Variants in GRIP1 observed in about 807,000 individuals in gnomAD.
GRIP1 encodes glutamate receptor interacting protein 1.
Under a neutral mutation model 129.9 loss-of-function variants are expected in GRIP1, and 45 were observed. That is an observed-to-expected ratio of 0.35 (90% confidence interval 0.27 to 0.44). GRIP1 has a LOEUF of 0.44. Among genes scored for constraint, GRIP1 ranks in the 20% least tolerant of loss-of-function variants. The pLI is 1.00. For synonymous variants in GRIP1, 530 were observed against 520.8 expected (o/e 1.02, Z -0.24); for missense variants, 1,196 against 1,396.8 (o/e 0.86, Z 2.29).
intron 1 of GRIP1, among the ~76,000 whole-genome samples, chr12:66,698,328 C>T (rs1207118874): frequency 6.6e-6 from 1 of 152,196 alleles, no homozygotes; most frequent in Admixed American, 6.5e-5. Context: ...TACCTGTCAA[C>T]TATGGGGAAA....
intron 2 of GRIP1, among the ~76,000 whole-genome samples, chr12:66,594,793 G>A (rs530386966): frequency 1.3e-5 from 2 of 152,184 alleles, no homozygotes; most frequent in African/African-American, 4.8e-5. Flanking sequence ...GATTGCTCAA[G>A]ACTTCTGGAT....
At chr12:66,349,340 T>G (rs1418128101) in intron 24 of GRIP1, 94 bp from the exon 25 acceptor site, 2 of 995,564 alleles carry the variant, frequency 2.0e-6, no homozygotes, top group Admixed American at 1.9e-5. Flanking sequence ...TTGTTTGAAG[T>G]CATGAAGGTG....
Position 66,671,773 on chromosome 12 carries a change from T to C in GRIP1, c.55+7077A>G, listed in dbSNP as rs369071928. Among the ~76,000 whole-genome samples the C allele has an allele frequency of 9.2e-5, 14 of 152,310 alleles. No individual in the cohort carries two copies. The East Asian group carries it at 1.2e-3, about 13-fold the overall frequency. ...TCCCACTGTTTTTCTCTCTGCCACC[T>C]CTATTAGCTTAAGAAAGCCTTGGGG... is the stretch of plus-strand genomic sequence containing the variant. On this transcript the variant is annotated intron_variant, in intron 1 of 24. Transcript: ENST00000359742.
intron 1 of GRIP1, among the ~76,000 whole-genome samples, chr12:66,884,171 A>G (rs1207216203): frequency 2.0e-5 from 3 of 152,206 alleles, no homozygotes; most frequent in African/African-American, 7.2e-5. Flanking sequence ...TGCAGAGCAA[A>G]AGGCTGCATG....
chr12:66,403,643 T>C (rs2057087389), intron 16 of GRIP1, among the ~76,000 whole-genome samples: 1 of 152,234 alleles, frequency 6.6e-6, no homozygotes, highest in Admixed American at 6.5e-5. Flanking sequence ...ATTTATAGTC[T>C]TATTTTGGGT....
intron 19 of GRIP1, among the ~76,000 whole-genome samples, chr12:66,386,331 A>G (rs2056355399): frequency 6.6e-6 from 1 of 152,156 alleles, no homozygotes; most frequent in South Asian, 2.1e-4. Context: ...TCATATTCAT[A>G]AAGTTTAGAA....
In GRIP1 at chr12:66,424,374, G is replaced by A. The variant is rs963776012; in HGVS notation, c.1769-3585C>T. Reference sequence around the variant, plus strand: ...AAGAGTCAAGAATTCTGAAAGAGCCGTCCTCAATTTCTTGCTTCCCCAGAT... The same window carrying A: ...AAGAGTCAAGAATTCTGAAAGAGCCATCCTCAATTTCTTGCTTCCCCAGAT... On this transcript the variant is annotated intron_variant, in intron 14 of 24. Transcript: ENST00000359742. Among the ~76,000 whole-genome samples, 9 of 152,090 alleles carry A rather than the reference G, an allele frequency of 5.9e-5. No individual in the cohort carries two copies. The East Asian group carries it at 1.2e-3, about 19-fold the overall frequency.
At chr12:66,421,931 T>G (rs574475074) in intron 14 of GRIP1, among the ~76,000 whole-genome samples, 1 of 152,278 alleles carries the variant, frequency 6.6e-6, no homozygotes, top group South Asian at 2.1e-4. Context: ...ATTAGAGGTT[T>G]GCACTTAATT....
intron 22 of GRIP1, among the ~76,000 whole-genome samples, chr12:66,374,345 G>A (rs183858790): frequency 1.3e-5 from 2 of 151,972 alleles, no homozygotes; most frequent in Admixed American, 6.6e-5. Flanking sequence ...CCGTCACCAC[G>A]CCTGGCTAAT....
chr12:66,539,545 CTTTTTTTTTTTTT>C (rs35373698), intron 3 of GRIP1, among the ~76,000 whole-genome samples: 4 of 59,288 alleles, frequency 6.7e-5, no homozygotes, highest in Non-Finnish European at 9.0e-5. Context: ...TCAAGAGAAG[CTTTTTTTTTTTTT>C]TTTTTTTTTT....
At chr12:66,977,907 G>C (rs918678528) in intron 1 of GRIP1, among the ~76,000 whole-genome samples, 5 of 141,746 alleles carry the variant, frequency 3.5e-5, no homozygotes, top group Non-Finnish European at 7.5e-5. Context: ...TGAACTCCTA[G>C]GCTCAGGTGA....
intron 1 of GRIP1, among the ~76,000 whole-genome samples, chr12:66,759,011 T>C (rs2037387957): frequency 6.6e-6 from 1 of 152,208 alleles, no homozygotes; most frequent in Non-Finnish European, 1.5e-5. Context: ...GGTGTCCCTC[T>C]TCTCACAGCT....
At chr12:66,412,608 A>C (rs566420512) in intron 15 of GRIP1, among the ~76,000 whole-genome samples, 1 of 152,348 alleles carries the variant, frequency 6.6e-6, no homozygotes, top group Admixed American at 6.5e-5. Context: ...CATCATGATG[A>C]CATGATCAAA....
chr12:66,382,040 A>G (rs2056134058), intron 19 of GRIP1, among the ~76,000 whole-genome samples: 1 of 152,196 alleles, frequency 6.6e-6, no homozygotes, highest in South Asian at 2.1e-4. Context: ...AGCCTGGGCA[A>G]TAATCCGTCT....
At chr12:66,531,065 T>C (rs114059883) in intron 4 of GRIP1, among the ~76,000 whole-genome samples, 3,744 of 151,554 alleles carry the variant, frequency 0.025, 153 homozygotes, top group African/African-American at 0.087. Context: ...TGAAACCTCA[T>C]CTCTACTAAA....
At chr12:67,030,966 T>C (rs2043013721) in intron 1 of GRIP1, among the ~76,000 whole-genome samples, 1 of 152,146 alleles carries the variant, frequency 6.6e-6, no homozygotes, top group African/African-American at 2.4e-5. Context: ...CTGGAGATGA[T>C]AGGGATTATA....
chr12:66,997,980 T>C (rs1029743899), intron 1 of GRIP1, among the ~76,000 whole-genome samples: 2 of 152,102 alleles, frequency 1.3e-5, no homozygotes, highest in African/African-American at 4.8e-5. Flanking sequence ...AAAAGCAATA[T>C]CCATAATTTG....
chr12:66,517,429 A>C (rs572192806), intron 6 of GRIP1, among the ~76,000 whole-genome samples: 1 of 152,328 alleles, frequency 6.6e-6, no homozygotes, highest in South Asian at 2.1e-4. Flanking sequence ...GTCACTATCA[A>C]AGAATAACAC....
At chr12:66,962,578 A>C (rs1254045468) in intron 1 of GRIP1, among the ~76,000 whole-genome samples, 1 of 152,160 alleles carries the variant, frequency 6.6e-6, no homozygotes, top group East Asian at 1.9e-4. Flanking sequence ...CCACGGCATT[A>C]AGGCGTCAAT....
Sources: gnomAD v4.1 joint callset for allele counts (sites outside exome capture counted in the v4.1 genomes callset) on GRCh38, gnomAD v4.1.1 for gene constraint, MANE v1.5 for transcripts, NCBI Gene and HGNC (gene_info 2026-07-23, HGNC 2026-07-21) for gene names.